The following PHACTR1 variants were observed in gnomAD, a reference collection of about 807,000 sequenced individuals.
The protein encoded by PHACTR1 is phosphatase and actin regulator 1.
In PHACTR1, 16 loss-of-function variants were observed where a neutral mutation model predicts 69.2. That is an observed-to-expected ratio of 0.23 (90% confidence interval 0.16 to 0.35). The LOEUF (loss-of-function observed/expected upper bound fraction) is 0.35. Among genes scored for constraint, PHACTR1 ranks in the 10% least tolerant of loss-of-function variants. PHACTR1 has a pLI of 1.00. For missense variants in PHACTR1, 510 were observed against 734.7 expected, an observed-to-expected ratio of 0.69 and a Z score of 3.54; for synonymous variants, 312 against 284.5, an observed-to-expected ratio of 1.10 and a Z score of -0.97.
intron 8 of PHACTR1, among the ~76,000 whole-genome samples, chr6:13,213,593 A>G (rs1767208681): frequency 6.6e-6 from 1 of 152,180 alleles, no homozygotes; most frequent in Admixed American, 6.5e-5. Context: ...TTAATGGCCA[A>G]TGTCTTAGTA....
chr6:12,805,870 G>A lies in PHACTR1; in HGVS notation c.250+56080G>A, dbSNP rs113131810. On this transcript the variant is annotated intron_variant, in intron 4 of 14. Transcript: ENST00000332995. ...CCTGCCTCAGGTTCCCAAAGTGCTGGGACTACGGGCGTGAGCCACCATGCC... is the reference window on the plus strand; with the variant it reads ...CCTGCCTCAGGTTCCCAAAGTGCTGAGACTACGGGCGTGAGCCACCATGCC... Among the ~76,000 whole-genome samples, 469 of 152,216 alleles carry A rather than the reference G, an allele frequency of 3.1e-3. 2 individuals are homozygous for A. Among genetic ancestry groups the A allele is most frequent in the African/African-American group, 0.01 (426 of 41,534 alleles).
chr6:12,959,472 AAGCCCAC>A lies in PHACTR1; in HGVS notation c.251-93891_251-93885del, dbSNP rs1215265668. ...AAAAGCATAACAAAGTTTTTCACTA[AAGCCCAC>A]ACTTGAAATGTAGATGCTATAGTAT... is the stretch of plus-strand genomic sequence containing the variant. On this transcript the variant is annotated intron_variant, in intron 4 of 14. Transcript: ENST00000332995. Among the ~76,000 whole-genome samples, 4 of 152,356 alleles carry A rather than the reference AAGCCCAC, an allele frequency of 2.6e-5. No individual in the cohort carries two copies. The East Asian group carries it at 7.7e-4, about 29-fold the overall frequency.
intron 4 of PHACTR1, among the ~76,000 whole-genome samples, chr6:12,936,424 T>C (rs957491882): frequency 2.0e-5 from 3 of 152,222 alleles, no homozygotes; most frequent in Non-Finnish European, 4.4e-5. Flanking sequence ...ACATAAAAGA[T>C]GACAAATGCT....
chr6:12,717,362 T>C (rs965419975), intron 1 of PHACTR1, 147 bp from the exon 2 acceptor site: 3 of 152,116 alleles, frequency 2.0e-5, no homozygotes, highest in African/African-American at 7.2e-5. Flanking sequence ...GACATAAATC[T>C]GTTTTGTTTT....
chr6:13,057,482 T>C (rs1430891156), intron 5 of PHACTR1, among the ~76,000 whole-genome samples: 2 of 152,176 alleles, frequency 1.3e-5, no homozygotes, highest in African/African-American at 4.8e-5. Context: ...AAGACATCAA[T>C]ACAATGTTTA....
chr6:12,782,968 A>G (rs1211013279), intron 4 of PHACTR1, among the ~76,000 whole-genome samples: 1 of 152,194 alleles, frequency 6.6e-6, no homozygotes, highest in Non-Finnish European at 1.5e-5. Flanking sequence ...GGACTCAAAC[A>G]TTTACCATGT....
At chr6:13,047,110 G>C (rs888386210) in intron 4 of PHACTR1, among the ~76,000 whole-genome samples, 3 of 152,156 alleles carry the variant, frequency 2.0e-5, no homozygotes, top group Admixed American at 6.5e-5. Context: ...GGCCGTGGAG[G>C]CTCACACCTG....
chr6:12,800,448 T>C (rs1773561072), intron 4 of PHACTR1, among the ~76,000 whole-genome samples: 1 of 152,218 alleles, frequency 6.6e-6, no homozygotes, highest in Admixed American at 6.5e-5. Flanking sequence ...TTAAACGAAT[T>C]GATTTTATGT....
intron 4 of PHACTR1, among the ~76,000 whole-genome samples, chr6:12,800,660 C>G (rs1773589808): frequency 6.6e-6 from 1 of 152,078 alleles, no homozygotes; most frequent in Non-Finnish European, 1.5e-5. Context: ...CCAAGGAGGA[C>G]AGATTGCTTG....
At chr6:13,119,278 T>C (rs536487788) in intron 5 of PHACTR1, among the ~76,000 whole-genome samples, 1 of 152,320 alleles carries the variant, frequency 6.6e-6, no homozygotes, top group South Asian at 2.1e-4. Context: ...CTGGGATTAA[T>C]TTAAACTTCT....
chr6:12,895,283 G>A (rs926585513), intron 4 of PHACTR1, among the ~76,000 whole-genome samples: 14 of 150,374 alleles, frequency 9.3e-5, no homozygotes, highest in African/African-American at 3.2e-4. Flanking sequence ...CCAGGTTCCA[G>A]CGATTCTCCT....
At chr6:12,890,482 C>T (rs991153075) in intron 4 of PHACTR1, among the ~76,000 whole-genome samples, 1 of 152,154 alleles carries the variant, frequency 6.6e-6, no homozygotes, top group African/African-American at 2.4e-5. Flanking sequence ...CCATTATGTG[C>T]AGGTCATACC....
chr6:13,235,129 A>G (rs946703056), intron 10 of PHACTR1, among the ~76,000 whole-genome samples: 31 of 152,278 alleles, frequency 2.0e-4, no homozygotes, highest in Non-Finnish European at 8.8e-5. Context: ...TTTGAGTGTC[A>G]CTTCTCAGTG....
chr6:12,932,189 A>G (rs1788943573), intron 4 of PHACTR1, among the ~76,000 whole-genome samples: 1 of 152,074 alleles, frequency 6.6e-6, no homozygotes. Flanking sequence ...GGCCATTACC[A>G]CTTTATATCT....
intron 4 of PHACTR1, among the ~76,000 whole-genome samples, chr6:12,847,489 A>G (rs1779407421): frequency 6.6e-6 from 1 of 152,182 alleles, no homozygotes; most frequent in Admixed American, 6.5e-5. Context: ...CTGAGAATCT[A>G]TGAATGTTAA....
chr6:13,157,893 C>A (rs58205169), intron 5 of PHACTR1, among the ~76,000 whole-genome samples: 184 of 151,506 alleles, frequency 1.2e-3, no homozygotes, highest in African/African-American at 4.3e-3. Context: ...CTTTTCTTTT[C>A]TTTTTTTGAG....
chr6:13,204,209 A>G (rs1262678855), intron 7 of PHACTR1, among the ~76,000 whole-genome samples: 1 of 152,172 alleles, frequency 6.6e-6, no homozygotes, highest in Non-Finnish European at 1.5e-5. Context: ...GGTTTAGTCC[A>G]TGGATGGGTT....
chr6:13,192,801 T>G (rs1763781494), intron 7 of PHACTR1, among the ~76,000 whole-genome samples: 1 of 152,194 alleles, frequency 6.6e-6, no homozygotes, highest in Admixed American at 6.5e-5. Context: ...TGCTGAGTCC[T>G]TAGCTAATGC....
Position 13,278,469 on chromosome 6 carries a change from A to T in PHACTR1, c.1509+140A>T. Reference sequence around the variant, plus strand: ...TCAGAGAGTGCCACTCTCTTACTCTATAAGACCTCTCCACTCAGCTTCATG... The same window carrying T: ...TCAGAGAGTGCCACTCTCTTACTCTTTAAGACCTCTCCACTCAGCTTCATG... On this transcript the variant is annotated intron_variant, in intron 12 of 14. Coordinates refer to ENST00000332995, the MANE Select transcript of PHACTR1 (RefSeq NM_030948.6). 3 of 679,850 alleles carry T rather than the reference A, an allele frequency of 4.4e-6. No homozygotes were observed. In the South Asian group the frequency reaches 5.8e-5, roughly 13 times the overall value. 42.1% of individuals were successfully genotyped at this position (679,850 alleles called of 1,614,324 possible). A position where few individuals can be genotyped will look rare whatever the true frequency, so the allele number is the denominator to read the frequency against.
Sources: allele counts gnomAD v4.1 joint callset (sites outside exome capture counted in the v4.1 genomes callset), GRCh38; gene constraint gnomAD v4.1.1; transcripts MANE v1.5; gene names NCBI Gene and HGNC (gene_info 2026-07-23, HGNC 2026-07-21).